The following APC variants were observed in gnomAD, a reference collection of about 807,000 sequenced individuals.
APC encodes the protein APC regulator of Wnt signaling pathway.
Under a neutral mutation model 247.0 loss-of-function variants are expected in APC, and 72 were observed. That is an observed-to-expected ratio of 0.29 (90% confidence interval 0.24 to 0.35). The LOEUF (loss-of-function observed/expected upper bound fraction) is 0.35, where lower values mean the gene tolerates loss of function less well. Among genes scored for constraint, APC ranks in the 10% least tolerant of loss-of-function variants. The probability of loss-of-function intolerance (pLI) is 1.00; values close to 1 mark genes in which losing one functional copy is unlikely to be tolerated. For missense variants in APC, 3,400 were observed against 3,360.7 expected (o/e 1.01, Z -0.29); for synonymous variants, 1,254 against 1,162.5 (o/e 1.08, Z -1.60).
chr5:112,839,328 AGGC>A lies in APC; in HGVS notation c.3735_3737del (p.Lys1245_Ala1246delinsAsn), dbSNP rs1432947360. ...CAGAGTAGAAGTGGTCAGCCTCAAA[AGGC>A]TGCCACTTGCAAAGTTTCTTCTATT... On this transcript the variant is annotated inframe_deletion, in exon 16 of 16. Coordinates refer to ENST00000257430, the MANE Select transcript of APC (RefSeq NM_000038.6). The surrounding 1 kb of genome is among the most constrained non-coding windows in gnomAD (Gnocchi z 5.0). The A allele has an allele frequency of 1.2e-6, 2 of 1,613,278 alleles. No individual in the cohort carries two copies. Among genetic ancestry groups the A allele is most frequent in the South Asian group, 2.2e-5 (2 of 90,994 alleles).
In APC at chr5:112,839,749, C is replaced by T. The variant is rs1554085568; in HGVS notation, c.4155C>T (p.Ser1385=). 1.2e-6 allele frequency: 2 copies of T among 1,614,108 alleles called. No individual in the cohort carries two copies. The highest frequency in any genetic ancestry group is 1.7e-6 in the Non-Finnish European group (2 of 1,180,006). ...TTCAGGAGACCCCACTCATGTTTAG[C>T]AGATGTACTTCTGTCAGTTCACTTG... The part of the protein sequence containing the change: ...HYVQETPLMF[S]RCTSVSSLDS... The change falls in exon 16 of 16, where the codon AGC becomes AGT. Residue 1385 remains serine (S), a synonymous_variant. Coordinates refer to ENST00000257430, the MANE Select transcript of APC (RefSeq NM_000038.6). This position sits in a 1 kb window ranked among gnomAD's most constrained non-coding sequence, Gnocchi z 5.0.
chr5:112,719,889 T>C (rs983282713), intron 1 of APC, among the ~76,000 whole-genome samples: 4 of 152,190 alleles, frequency 2.6e-5, no homozygotes, highest in African/African-American at 9.7e-5. Context: ...CATGTAGGTG[T>C]CATGATTTTT....
At chr5:112,751,108 A>G (rs1754310648) in intron 1 of APC, among the ~76,000 whole-genome samples, 1 of 152,090 alleles carries the variant, frequency 6.6e-6, no homozygotes, top group Non-Finnish European at 1.5e-5. Context: ...TTAATTTTAA[A>G]TAACTTTGGA....
At chr5:112,799,946 C>T (rs1161327204) in intron 7 of APC, among the ~76,000 whole-genome samples, 2 of 152,138 alleles carry the variant, frequency 1.3e-5, no homozygotes, top group South Asian at 2.1e-4. Flanking sequence ...AACAGCACTT[C>T]CCAAGAGAGC....
chr5:112,707,590 G>T lies in APC; in HGVS notation c.-128G>T, dbSNP rs543098847. On this transcript the variant is annotated 5_prime_UTR_variant, in exon 1 of 14. Transcript: ENST00000507379. ...CCGGAAGCCTAGCCGCTGCTCGGGG[G>T]GGACCTGCGGGCTCAGGCCCGGGAG... 2 of 981,990 alleles carry T rather than the reference G, an allele frequency of 2.0e-6. No homozygotes were observed. Among genetic ancestry groups the T allele is most frequent in the Non-Finnish European group, 2.8e-6 (2 of 706,492 alleles). The allele number at this position is 981,990 out of a possible 1,614,324, so 60.8% of individuals were successfully genotyped here. A position where few individuals can be genotyped will look rare whatever the true frequency, so the allele number is the denominator to read the frequency against.
intron 4 of APC, 86 bp downstream of exon 4, chr5:112,767,476 T>C (rs150659109): frequency 2.6e-5 from 28 of 1,074,126 alleles, no homozygotes; most frequent in Middle Eastern, 3.0e-4. Context: ...TGTGAATTTA[T>C]AGTAGGTGAT....
Position 112,758,515 on chromosome 5 carries a change from C to T in APC, c.135+3490C>T, listed in dbSNP as rs182658755. Among the ~76,000 whole-genome samples the T allele has an allele frequency of 9.2e-3, 1,402 of 151,732 alleles. 21 individuals carry two copies. Among genetic ancestry groups the T allele is most frequent in the African/African-American group, 0.033 (1,348 of 41,372 alleles). ...CTAATTTTTATATTTTTAGTACAGA[C>T]GGGGTTTCACTATGTTGGCTAGGCT... On this transcript the variant is annotated intron_variant, in intron 2 of 15. Transcript: ENST00000257430.
intron 1 of APC, among the ~76,000 whole-genome samples, chr5:112,745,575 A>ATTT (rs35214326): frequency 5.4e-4 from 81 of 150,008 alleles, no homozygotes; most frequent in East Asian, 2.1e-3. Flanking sequence ...TATTATTATT[A>ATTT]TTTTTTGAGA....
intron 1 of APC, among the ~76,000 whole-genome samples, chr5:112,745,135 GT>G (rs560400961): frequency 2.3e-4 from 35 of 151,122 alleles, no homozygotes; most frequent in Non-Finnish European, 4.0e-4. Flanking sequence ...ATGCTGGTCA[GT>G]TATAGAACTT....
At chr5:112,832,443 A>T (rs1764396264) in intron 14 of APC, among the ~76,000 whole-genome samples, 1 of 152,216 alleles carries the variant, frequency 6.6e-6, no homozygotes, top group Non-Finnish European at 1.5e-5. Context: ...GTGACAAATT[A>T]TGTCTAAACC....
At chr5:112,799,133 G>A (rs55771959) in intron 7 of APC, among the ~76,000 whole-genome samples, 1,629 of 139,114 alleles carry the variant, frequency 0.012, 23 homozygotes, top group Non-Finnish European at 0.013. Context: ...CGTTTGAGCC[G>A]AGATTGCGCC....
intron 4 of APC, 101 bp from the exon 5 acceptor site, chr5:112,775,528 T>G: frequency 1.5e-6 from 1 of 682,684 alleles, no homozygotes; most frequent in Non-Finnish European, 2.6e-6. Context: ...ATTAGCACTT[T>G]AGGTAGAGAA....
intron 4 of APC, 114 bp downstream of exon 4, chr5:112,767,504 T>C: frequency 2.4e-6 from 2 of 840,910 alleles, no homozygotes; most frequent in South Asian, 1.8e-5. Context: ...ACTTAGAGCA[T>C]TTTGCATTTT....
Position 112,839,900 on chromosome 5 carries a change from A to G in APC, c.4306A>G (p.Ser1436Gly), listed in dbSNP as rs1554085743. 1.2e-6 allele frequency: 2 copies of G among 1,614,012 alleles called. No homozygotes were observed. The highest frequency in any genetic ancestry group is 3.3e-5 in the Admixed American group (2 of 59,996). The change falls in exon 16 of 16, where the codon AGT becomes GGT. Residue 1436 changes from serine (S) to glycine (G), a missense_variant. By Grantham distance (56) the Ser-to-Gly change is moderately conservative (BLOSUM62 0). Around this residue, in one of 9 missense-constraint regions of APC, gnomAD observed 1,788 missense variants for 1,649.5 expected, o/e 1.08. Transcript: ENST00000257430. This position sits in a 1 kb window ranked among gnomAD's most constrained non-coding sequence, Gnocchi z 5.0. ...TGGACAAACCATGCCACCAAGCAGA[A>G]GTAAAACACCTCCACCACCTCCTCA... ...SPGQTMPPSR[S>G]KTPPPPPQTA...
At chr5:112,724,590 A>G (rs549049249) in intron 1 of APC, among the ~76,000 whole-genome samples, 19 of 121,910 alleles carry the variant, frequency 1.6e-4, no homozygotes, top group Non-Finnish European at 3.0e-4. Flanking sequence ...AAGCACAGGG[A>G]TCTATGGAAG....
chr5:112,788,752 C>A (rs1055867430), intron 6 of APC, among the ~76,000 whole-genome samples: 6 of 152,066 alleles, frequency 3.9e-5, no homozygotes, highest in Non-Finnish European at 4.4e-5. Context: ...GTGAGAATTT[C>A]TTTAATTATA....
chr5:112,728,908 A>G (rs1440739268), intron 1 of APC, among the ~76,000 whole-genome samples: 3 of 152,106 alleles, frequency 2.0e-5, no homozygotes, highest in Non-Finnish European at 4.4e-5. Flanking sequence ...CATTGCCTAT[A>G]TGGTGAATTC....
At chr5:112,778,237 T>C (rs1485921578) in intron 5 of APC, 10 of 165,336 alleles carry the variant, frequency 6.0e-5, no homozygotes. Context: ...TCCAAGCTGC[T>C]CTGGGTTATA....
At chr5:112,786,631 C>G (rs1198344197) in intron 6 of APC, among the ~76,000 whole-genome samples, 4 of 152,140 alleles carry the variant, frequency 2.6e-5, no homozygotes, top group African/African-American at 9.7e-5. Flanking sequence ...AGTTTATCTC[C>G]TCCCTAGTTG....
Sources: allele counts gnomAD v4.1 joint callset (sites outside exome capture counted in the v4.1 genomes callset), GRCh38; gene constraint gnomAD v4.1.1; regional missense constraint gnomAD v4.1.1; non-coding constraint Gnocchi (gnomAD v3.1); transcripts MANE v1.5; gene names NCBI Gene and HGNC (gene_info 2026-07-23, HGNC 2026-07-21).